ITPRID1: variants seen among roughly 807,000 people sequenced by gnomAD.
The protein encoded by ITPRID1 is ITPR interacting domain containing 1.
A neutral mutation model predicts 95.4 loss-of-function variants in ITPRID1; 96 were observed. The ratio of observed to expected loss-of-function variants is 1.01; its 90% CI spans 0.85 to 1.19. The LOEUF (loss-of-function observed/expected upper bound fraction) is 1.19, where lower values mean the gene tolerates loss of function less well. Among genes scored for constraint, ITPRID1 ranks in the 50% most tolerant of loss-of-function variants. ITPRID1 has a pLI of 0.00. For synonymous variants in ITPRID1, 510 were observed against 453.6 expected, an observed-to-expected ratio of 1.12 and a Z score of -1.58; for missense variants, 1,339 against 1,252.9, an observed-to-expected ratio of 1.07 and a Z score of -1.04.
chr7:31,538,732 G>C (rs1783839143), intron 1 of ITPRID1, among the ~76,000 whole-genome samples: 1 of 152,158 alleles, frequency 6.6e-6, no homozygotes, highest in Non-Finnish European at 1.5e-5. Context: ...ATATCAGGAG[G>C]AATATGATGT....
intron 5 of ITPRID1, among the ~76,000 whole-genome samples, chr7:31,557,659 G>A (rs901272587): frequency 1.3e-5 from 2 of 152,096 alleles, no homozygotes; most frequent in African/African-American, 2.4e-5. Flanking sequence ...GCATACTGAG[G>A]ATGCACATGC....
At chr7:31,610,075 A>T (rs2128164185) in intron 10 of ITPRID1, among the ~76,000 whole-genome samples, 1 of 151,704 alleles carries the variant, frequency 6.6e-6, no homozygotes, top group East Asian at 1.9e-4. Context: ...CATATTTGTG[A>T]ATTGCCTAAA....
intron 10 of ITPRID1, among the ~76,000 whole-genome samples, chr7:31,587,694 C>G (rs1202162548): frequency 6.6e-6 from 1 of 151,364 alleles, no homozygotes; most frequent in African/African-American, 2.4e-5. Flanking sequence ...CAATCCTAAG[C>G]CAAAAGAACA....
intron 1 of ITPRID1, among the ~76,000 whole-genome samples, chr7:31,516,880 C>T (rs1353558705): frequency 1.3e-5 from 2 of 152,142 alleles, no homozygotes; most frequent in Admixed American, 6.5e-5. Flanking sequence ...TGTTAAGTGT[C>T]ACAGTTCTTA....
chr7:31,529,164 G>A (rs549731010), intron 1 of ITPRID1, among the ~76,000 whole-genome samples: 1 of 152,280 alleles, frequency 6.6e-6, no homozygotes, highest in Non-Finnish European at 1.5e-5. Context: ...TCAGGAGTAT[G>A]TATGTGTATG....
chr7:31,608,952 C>A (rs924964699), intron 10 of ITPRID1, among the ~76,000 whole-genome samples: 2 of 151,490 alleles, frequency 1.3e-5, no homozygotes, highest in South Asian at 4.1e-4. Flanking sequence ...ATGATGTTAG[C>A]GATGGCCTTT....
chr7:31,556,584 G>A (rs1443436563), intron 5 of ITPRID1, among the ~76,000 whole-genome samples: 1 of 152,078 alleles, frequency 6.6e-6, no homozygotes, highest in Non-Finnish European at 1.5e-5. Flanking sequence ...TGGGGGAGCT[G>A]AGAGACACAT....
intron 1 of ITPRID1, among the ~76,000 whole-genome samples, chr7:31,527,797 A>G (rs534554252): frequency 6.6e-6 from 1 of 152,334 alleles, no homozygotes; most frequent in African/African-American, 2.4e-5. Context: ...TTGCTGTCTT[A>G]GAACTTATTT....
In ITPRID1 at chr7:31,577,117, C is replaced by T. The variant is rs1221265031; in HGVS notation, c.599-746C>T. 3.9e-5 allele frequency among the ~76,000 whole-genome samples: 6 copies of T among 152,270 alleles called. No homozygotes were observed. In the Middle Eastern group the frequency reaches 0.01, roughly 259 times the overall value. Reference sequence around the variant, plus strand: ...AATAGGTTTTTACATTAATGACTATCTTCTCTGGAAAGACTGAGGAGAATA... The same window carrying T: ...AATAGGTTTTTACATTAATGACTATTTTCTCTGGAAAGACTGAGGAGAATA... On this transcript the variant is annotated intron_variant, in intron 8 of 14. Coordinates refer to ENST00000615280, the MANE Select transcript of ITPRID1 (RefSeq NM_001257967.3).
At chr7:31,657,514 T>C (rs1162893243), downstream of ITPRID1, among the ~76,000 whole-genome samples, 1 of 152,226 alleles carries the variant, frequency 6.6e-6, no homozygotes, top group Non-Finnish European at 1.5e-5. Flanking sequence ...TACAAGGAGA[T>C]GAGTTCCACC....
chr7:31,632,405 C>A (rs570284359), intron 10 of ITPRID1, among the ~76,000 whole-genome samples: 81 of 152,214 alleles, frequency 5.3e-4, no homozygotes, highest in Middle Eastern at 3.4e-3. Flanking sequence ...CGAGATTGTG[C>A]CACTGCACTC....
At chr7:31,607,805 T>C (rs994095229) in intron 10 of ITPRID1, among the ~76,000 whole-genome samples, 3 of 151,970 alleles carry the variant, frequency 2.0e-5, no homozygotes, top group African/African-American at 7.2e-5. Context: ...TTTTCTCCCC[T>C]GTTTCTTCAT....
At chr7:31,586,615 T>C (rs1785621672) in intron 10 of ITPRID1, among the ~76,000 whole-genome samples, 7 of 152,166 alleles carry the variant, frequency 4.6e-5, no homozygotes, top group Admixed American at 4.6e-4. Context: ...TTTTCATGTG[T>C]TTTTTGGCTG....
chr7:31,658,207 G>T, downstream of ITPRID1: 1 of 1,404,362 alleles, frequency 7.1e-7, no homozygotes, highest in Admixed American at 2.7e-5. Context: ...TTAGCCCACA[G>T]AAGAACACTT....
chr7:31,574,901 A>T (rs550199600), intron 8 of ITPRID1, among the ~76,000 whole-genome samples, 159 bp downstream of exon 8: 28 of 151,618 alleles, frequency 1.8e-4, no homozygotes, highest in African/African-American at 6.5e-4. Context: ...CTATATGTCC[A>T]GTGGGAGTTG....
chr7:31,589,363 T>G (rs979574354), intron 10 of ITPRID1, among the ~76,000 whole-genome samples: 1 of 152,090 alleles, frequency 6.6e-6, no homozygotes, highest in Non-Finnish European at 1.5e-5. Context: ...CAAATATATA[T>G]GTAGTTGCAG....
chr7:31,616,284 A>G (rs985891575), intron 10 of ITPRID1, among the ~76,000 whole-genome samples: 1 of 152,146 alleles, frequency 6.6e-6, no homozygotes, highest in East Asian at 1.9e-4. Flanking sequence ...TCTCTAAAAA[A>G]TTATTGTATT....
intron 12 of ITPRID1, among the ~76,000 whole-genome samples, chr7:31,647,644 A>G (rs1244180050): frequency 1.4e-5 from 2 of 141,894 alleles, no homozygotes; most frequent in African/African-American, 5.3e-5. Context: ...ACTGCACTCC[A>G]GCCTGAGCAA....
At chr7:31,566,404 C>A (rs893824235) in intron 5 of ITPRID1, among the ~76,000 whole-genome samples, 1 of 152,182 alleles carries the variant, frequency 6.6e-6, no homozygotes, top group Non-Finnish European at 1.5e-5. Flanking sequence ...AAAGCAGTGG[C>A]AAGAATGTCA....
Sources: allele counts gnomAD v4.1 joint callset (sites outside exome capture counted in the v4.1 genomes callset), GRCh38; gene constraint gnomAD v4.1.1; transcripts MANE v1.5; gene names NCBI Gene and HGNC (gene_info 2026-07-23, HGNC 2026-07-21).